AFG2A: variants seen among roughly 807,000 people sequenced by gnomAD.
AFG2A encodes AAA ATPase AFG2A.
At chr4:123,066,416 A>G in the AFG2A span, among the ~76,000 whole-genome samples, 1 of 152,168 alleles carries the variant, frequency 6.6e-6, no homozygotes, top group Non-Finnish European at 1.5e-5. Context: ...ATAAATGGAA[A>G]AGTTCTTAGA....
the AFG2A span, among the ~76,000 whole-genome samples, chr4:122,992,847 A>G: frequency 6.6e-6 from 1 of 152,212 alleles, no homozygotes; most frequent in African/African-American, 2.4e-5. Flanking sequence ...CGTTTTCTTT[A>G]CAGCATGAAT....
chr4:123,193,605 C>G, the AFG2A span, among the ~76,000 whole-genome samples: 1 of 152,132 alleles, frequency 6.6e-6, no homozygotes, highest in East Asian at 1.9e-4. Flanking sequence ...AAACCCACAG[C>G]AAAGCTGTTC....
the AFG2A span, among the ~76,000 whole-genome samples, chr4:123,150,452 A>G: frequency 6.6e-6 from 1 of 152,208 alleles, no homozygotes; most frequent in Non-Finnish European, 1.5e-5. Context: ...TCAATGTGCA[A>G]AGATCACAAG....
chr4:123,121,250 A>T, the AFG2A span, among the ~76,000 whole-genome samples: 2 of 76,982 alleles, frequency 2.6e-5, no homozygotes, highest in Admixed American at 1.4e-4. Context: ...TCAAAAAGTA[A>T]AAAAAAAAAA....
At chr4:123,007,641 C>CACA in the AFG2A span, among the ~76,000 whole-genome samples, 2 of 16,208 alleles carry the variant, frequency 1.2e-4, no homozygotes, top group East Asian at 3.7e-3. Context: ...CACACACACA[C>CACA]AACACACACA....
the AFG2A span, among the ~76,000 whole-genome samples, chr4:123,154,832 A>T: frequency 8.5e-5 from 13 of 152,352 alleles, no homozygotes; most frequent in African/African-American, 3.1e-4. Flanking sequence ...AAAGAAATTT[A>T]AAAGGTCAAA....
At chr4:123,148,247 A>G in the AFG2A span, among the ~76,000 whole-genome samples, 1 of 152,230 alleles carries the variant, frequency 6.6e-6, no homozygotes. Flanking sequence ...TTTTAAGTAT[A>G]CATACAGTTC....
At chr4:123,057,311 G>T in the AFG2A span, 1 of 1,586,954 alleles carries the variant, frequency 6.3e-7, no homozygotes, top group East Asian at 2.2e-5. Context: ...TAATAGCACT[G>T]CTATTACATA....
the AFG2A span, among the ~76,000 whole-genome samples, chr4:122,977,605 CTCT>C: frequency 3.9e-5 from 6 of 152,382 alleles, no homozygotes; most frequent in East Asian, 9.6e-4. Flanking sequence ...GCCACAGCTC[CTCT>C]TCTTCTCATT....
At chr4:122,943,741 T>C in the AFG2A span, among the ~76,000 whole-genome samples, 1 of 152,242 alleles carries the variant, frequency 6.6e-6, no homozygotes, top group South Asian at 2.1e-4. Context: ...CAATGGTCTT[T>C]ACATTTTGGC....
At chr4:123,184,528 A>ATT in the AFG2A span, among the ~76,000 whole-genome samples, 1 of 80,918 alleles carries the variant, frequency 1.2e-5, no homozygotes. Context: ...CAGCATGATC[A>ATT]TTTCTTTTTT....
chr4:123,006,370 G>A, the AFG2A span, among the ~76,000 whole-genome samples: 2 of 151,292 alleles, frequency 1.3e-5, no homozygotes, highest in African/African-American at 4.9e-5. Context: ...ATGTGCCTTG[G>A]TAGTTTTCTT....
the AFG2A span, among the ~76,000 whole-genome samples, chr4:123,180,868 C>T: frequency 6.6e-6 from 1 of 151,568 alleles, no homozygotes; most frequent in African/African-American, 2.4e-5. Flanking sequence ...GGTCAGCAAA[C>T]TTTCTCTGTA....
the AFG2A span, among the ~76,000 whole-genome samples, chr4:123,166,486 T>TAGTATCAATCAAAATTTGA: frequency 1.3e-5 from 2 of 152,208 alleles, no homozygotes; most frequent in African/African-American, 4.8e-5. Flanking sequence ...TCTGCCCCTC[T>TAGTATCAATCAAAATTTGA]AGTATCAATC....
At chr4:122,958,229 C>A in the AFG2A span, among the ~76,000 whole-genome samples, 1 of 152,170 alleles carries the variant, frequency 6.6e-6, no homozygotes, top group Non-Finnish European at 1.5e-5. Flanking sequence ...TGGTTTTAGT[C>A]CATTTTTGCC....
At chr4:123,007,586 GTGTGTGTGTGTGTGTGTGTGTGTATA>G in the AFG2A span, among the ~76,000 whole-genome samples, 87 of 10,250 alleles carry the variant, frequency 8.5e-3, no homozygotes, top group Non-Finnish European at 0.01. Context: ...GTGTGTGTGT[GTGTGTGTGTGTGTGTGTGTGTGTATA>G]TATATATATA....
At chr4:122,999,739 C>T in the AFG2A span, among the ~76,000 whole-genome samples, 2 of 152,186 alleles carry the variant, frequency 1.3e-5, no homozygotes, top group African/African-American at 2.4e-5. Context: ...AGTCAGGTAG[C>T]ATGATGCCTC....
chr4:122,957,430 A>G, the AFG2A span, among the ~76,000 whole-genome samples: 1 of 152,218 alleles, frequency 6.6e-6, no homozygotes, highest in Non-Finnish European at 1.5e-5. Context: ...ACAATTGGGA[A>G]ACTATAAGCA....
At chr4:122,967,301 G>A in the AFG2A span, among the ~76,000 whole-genome samples, 12 of 152,046 alleles carry the variant, frequency 7.9e-5, no homozygotes, top group Admixed American at 7.2e-4. Context: ...TTGGGAGGCT[G>A]AAGTGGGAGG....
Sources: gnomAD v4.1 joint callset for allele counts (sites outside exome capture counted in the v4.1 genomes callset) on GRCh38, gnomAD v4.1.1 for gene constraint, MANE v1.5 for transcripts, NCBI Gene and HGNC (gene_info 2026-07-23, HGNC 2026-07-21) for gene names.